COL5A2: variants seen among roughly 807,000 people sequenced by gnomAD.
The protein encoded by COL5A2 is collagen type V alpha 2 chain, also known as collagen alpha-2(V) chain.
In COL5A2, 23 loss-of-function variants were observed where a neutral mutation model predicts 208.2. The ratio of observed to expected loss-of-function variants is 0.11; its 90% CI spans 0.08 to 0.16. COL5A2 has a LOEUF of 0.16. Among genes scored for constraint, COL5A2 ranks in the 10% least tolerant of loss-of-function variants. The pLI is 1.00. For missense variants in COL5A2, 1,590 were observed against 1,956.4 expected (o/e 0.81, Z 3.53); for synonymous variants, 625 against 628.5 (o/e 0.99, Z 0.08).
the COL5A2 span, among the ~76,000 whole-genome samples, chr2:189,386,099 A>G: frequency 1.3e-5 from 2 of 152,290 alleles, no homozygotes; most frequent in African/African-American, 4.8e-5. Flanking sequence ...AGTATGGAGG[A>G]AACTGTCCCT....
At chr2:189,291,029 T>C in the COL5A2 span, among the ~76,000 whole-genome samples, 1 of 152,122 alleles carries the variant, frequency 6.6e-6, no homozygotes, top group East Asian at 1.9e-4. Flanking sequence ...CTGGTCTTCT[T>C]TATGTCAAGA....
intron 8 of COL5A2, among the ~76,000 whole-genome samples, chr2:189,088,029 C>G (rs931929200): frequency 1.3e-5 from 2 of 152,126 alleles, no homozygotes; most frequent in African/African-American, 4.8e-5. Context: ...TCTATGAGGT[C>G]TGATTTTGCA....
At chr2:189,334,577 T>C in the COL5A2 span, among the ~76,000 whole-genome samples, 3 of 152,158 alleles carry the variant, frequency 2.0e-5, no homozygotes, top group South Asian at 6.2e-4. Context: ...TTGCTCAAAG[T>C]AATTAAAGAT....
chr2:189,067,045 G>A (rs1015179506), intron 21 of COL5A2, among the ~76,000 whole-genome samples: 3 of 152,096 alleles, frequency 2.0e-5, no homozygotes, highest in African/African-American at 2.4e-5. Flanking sequence ...TTTTTATCAT[G>A]TGTAGTAGAA....
chr2:189,154,107 A>C (rs1224843623), intron 1 of COL5A2, among the ~76,000 whole-genome samples: 1 of 152,172 alleles, frequency 6.6e-6, no homozygotes, highest in African/African-American at 2.4e-5. Context: ...CAAGCAAACA[A>C]AAAAGGCACA....
chr2:189,419,675 A>G, the COL5A2 span, among the ~76,000 whole-genome samples: 1 of 151,868 alleles, frequency 6.6e-6, no homozygotes, highest in Admixed American at 6.6e-5. Flanking sequence ...ACACGTCTAT[A>G]GTCCTAGCTA....
chr2:189,227,202 A>C (rs1559150965), upstream of COL5A2, among the ~76,000 whole-genome samples: 1 of 152,150 alleles, frequency 6.6e-6, no homozygotes, highest in Non-Finnish European at 1.5e-5. Context: ...ATGGGGGGAA[A>C]AATGGCCCAA....
At chr2:189,430,552 G>A in the COL5A2 span, among the ~76,000 whole-genome samples, 13 of 152,202 alleles carry the variant, frequency 8.5e-5, no homozygotes, top group African/African-American at 3.1e-4. Context: ...TCCTGTGCCT[G>A]GCTCCGCAGG....
rs58636533 is a variant in COL5A2, at chr2:189,072,765, C to CAAAAAAAAAA, written c.1105-682_1105-673dup. Among the ~76,000 whole-genome samples, 176 of 67,482 alleles carry CAAAAAAAAAA rather than the reference C, an allele frequency of 2.6e-3. 3 individuals carry two copies. The highest frequency in any genetic ancestry group is 3.5e-3 in the Non-Finnish European group (123 of 35,018). The allele number at this position is 67,482 out of a possible 152,430, so 44.3% of individuals were successfully genotyped here. ...CCAACCTGCAGTCAGACTCCATCTC[C>CAAAAAAAAAA]AAAAAAAAAAAAAAAAAAAAACCAT... is the stretch of plus-strand genomic sequence containing the variant. On this transcript the variant is annotated intron_variant, in intron 17 of 53. Coordinates refer to ENST00000374866, the MANE Select transcript of COL5A2 (RefSeq NM_000393.5).
At chr2:189,100,741 G>A (rs1283697792) in intron 3 of COL5A2, among the ~76,000 whole-genome samples, 1 of 151,380 alleles carries the variant, frequency 6.6e-6, no homozygotes, top group Non-Finnish European at 1.5e-5. Flanking sequence ...AGAAAATCTA[G>A]GAAAAAAAAT....
chr2:189,334,658 CA>C, the COL5A2 span, among the ~76,000 whole-genome samples: 1 of 151,950 alleles, frequency 6.6e-6, no homozygotes, highest in Non-Finnish European at 1.5e-5. Flanking sequence ...CCTTTCTCCC[CA>C]AATTGATAGA....
At chr2:189,379,223 T>A in the COL5A2 span, among the ~76,000 whole-genome samples, 1 of 152,166 alleles carries the variant, frequency 6.6e-6, no homozygotes, top group Admixed American at 6.5e-5. Flanking sequence ...TTACACAGTC[T>A]TTAAATTTGC....
At chr2:189,170,028 A>G (rs1688543307) in intron 1 of COL5A2, among the ~76,000 whole-genome samples, 1 of 152,174 alleles carries the variant, frequency 6.6e-6, no homozygotes, top group African/African-American at 2.4e-5. Context: ...GTTATTATTA[A>G]ATAGTAATCT....
the COL5A2 span, among the ~76,000 whole-genome samples, chr2:189,257,731 A>G: frequency 6.6e-6 from 1 of 152,252 alleles, no homozygotes; most frequent in African/African-American, 2.4e-5. Flanking sequence ...TAATTACTAC[A>G]GAATATAGTA....
the COL5A2 span, among the ~76,000 whole-genome samples, chr2:189,289,819 T>C: frequency 6.6e-6 from 1 of 152,146 alleles, no homozygotes; most frequent in Non-Finnish European, 1.5e-5. Flanking sequence ...ATAAAATACT[T>C]AGAAATAAAC....
Position 189,110,362 on chromosome 2 carries a change from C to A in COL5A2, c.185G>T (p.Cys62Phe), listed in dbSNP as rs760636865. 1 of 1,614,166 alleles carries A rather than the reference C, an allele frequency of 6.2e-7. No homozygotes were observed. Among genetic ancestry groups the A allele is most frequent in the Non-Finnish European group, 8.5e-7 (1 of 1,180,018 alleles). ...DIWKPAPCQI[C>F]VCDNGAILCD... ...GAGAATGGCTCCATTGTCACAGACA[C>A]AGATCTGACAAGGGGCAGGTTTCCA... The change falls in exon 2 of 54, where the codon TGT (cysteine) becomes TTT (phenylalanine). Residue 62 changes from cysteine to phenylalanine, a missense_variant. By Grantham distance (205) the Cys-to-Phe change is radical (BLOSUM62 -2). Coordinates refer to ENST00000374866, the MANE Select transcript of COL5A2 (RefSeq NM_000393.5).
intron 6 of COL5A2, among the ~76,000 whole-genome samples, chr2:189,094,525 G>T (rs958959171): frequency 7.2e-6 from 1 of 139,392 alleles, no homozygotes; most frequent in African/African-American, 2.6e-5. Context: ...TAGAAAAGAC[G>T]AATGACCGGG....
chr2:189,217,745 A>G (rs1464418803), intron 1 of COL5A2, among the ~76,000 whole-genome samples: 1 of 152,086 alleles, frequency 6.6e-6, no homozygotes, highest in Non-Finnish European at 1.5e-5. Flanking sequence ...CAGGCCTGGT[A>G]TGTTTAGAAG....
At chr2:189,085,304 G>A in intron 10 of COL5A2, 91 bp from the exon 11 acceptor site, 1 of 1,029,082 alleles carries the variant, frequency 9.7e-7, no homozygotes, top group Non-Finnish European at 1.5e-6. Context: ...CAAATGAAAT[G>A]TCAAACTATT....
Sources: allele counts gnomAD v4.1 joint callset (sites outside exome capture counted in the v4.1 genomes callset), GRCh38; gene constraint gnomAD v4.1.1; transcripts MANE v1.5; gene names NCBI Gene and HGNC (gene_info 2026-07-23, HGNC 2026-07-21).